PSG3: variants seen among roughly 807,000 people sequenced by gnomAD.
The protein encoded by PSG3 is pregnancy-specific beta-1-glycoprotein 3.
Under a neutral mutation model 47.5 loss-of-function variants are expected in PSG3, and 61 were observed. That is an observed-to-expected ratio of 1.28 (90% CI 1.05 to 1.59). The LOEUF is 1.59. Among genes scored for constraint, PSG3 ranks in the 40% most tolerant of loss-of-function variants. The pLI, the probability that PSG3 is intolerant of heterozygous loss-of-function variation, is 0.00. For synonymous variants in PSG3, 263 were observed against 198.4 expected, an observed-to-expected ratio of 1.33 and a Z score of -2.74; for missense variants, 756 against 524.0, an observed-to-expected ratio of 1.44 and a Z score of -4.32.
At chr19:42,738,677 T>C in intron 2 of PSG3, 47 bp downstream of exon 2, 1 of 1,612,268 alleles carries the variant, frequency 6.2e-7, no homozygotes, top group Non-Finnish European at 8.5e-7. Context: ...GTGTGTGAAG[T>C]AAAGACCCCA....
At chr19:42,732,707 G>A in intron 3 of PSG3, 77 bp downstream of exon 3, 13 of 1,614,076 alleles carry the variant, frequency 8.1e-6, no homozygotes, top group Non-Finnish European at 1.1e-5. Context: ...GGACCTGAGA[G>A]GGACTGAGAG....
intron 1 of PSG3, 61 bp from the exon 2 acceptor site, chr19:42,739,150 G>A: frequency 6.5e-7 from 1 of 1,536,644 alleles, no homozygotes; most frequent in Non-Finnish European, 8.8e-7. Flanking sequence ...GAAAAGATGT[G>A]GCCCTGGGTC....
rs370342876 is a variant in PSG3 at position 42,727,118 on chromosome 19, A to T, written c.1243+2005T>A. On this transcript the variant is annotated intron_variant, in intron 5 of 6. Transcript: ENST00000327495. Reference sequence around the variant, plus strand: ...ACCTTTACCTAACACCATGTACAAAAAGTAACCCACAATAGATCAAAGATC... The same window carrying T: ...ACCTTTACCTAACACCATGTACAAATAGTAACCCACAATAGATCAAAGATC... Among the ~76,000 whole-genome samples the T allele has an allele frequency of 4.3e-4, 66 of 152,342 alleles. 1 individual carries two copies. In the South Asian group the frequency reaches 0.013, roughly 31 times the overall value.
At position 42,733,210 on chromosome 19, in the gene PSG3, C is replaced by A. The variant is rs1038012386; in HGVS notation, c.431-148G>T. 4.8e-6 allele frequency: 7 copies of A among 1,460,770 alleles called. No homozygotes were observed. In the East Asian group the frequency reaches 1.4e-4, roughly 29 times the overall value. 90.5% of individuals were successfully genotyped at this position (1,460,770 alleles called of 1,614,324 possible). A position where few individuals can be genotyped will look rare whatever the true frequency, so the allele number is the denominator to read the frequency against. On this transcript the variant is annotated intron_variant, in intron 2 of 6. Transcript: ENST00000327495. ...AGGTGTGTGTGTTACAAGACAGATG[C>A]ATGGCAATCTGAGGGCTCAGAGATT...
At chr19:42,739,237 G>C (rs1374480298) in intron 1 of PSG3, 148 bp from the exon 2 acceptor site, 3 of 1,289,902 alleles carry the variant, frequency 2.3e-6, no homozygotes, top group Admixed American at 4.7e-5. Context: ...CACACAAAAG[G>C]GGCATGTGTA....
At chr19:42,722,854 T>G (rs1338582407) in intron 6 of PSG3, among the ~76,000 whole-genome samples, 2 of 152,224 alleles carry the variant, frequency 1.3e-5, no homozygotes, top group Non-Finnish European at 2.9e-5. Context: ...TTCTCCATCC[T>G]TGTTACATGT....
At chr19:42,728,677 C>T (rs1294303764) in intron 5 of PSG3, among the ~76,000 whole-genome samples, 1 of 152,228 alleles carries the variant, frequency 6.6e-6, no homozygotes, top group Non-Finnish European at 1.5e-5. Context: ...GCTCCTCCCT[C>T]ACCCAAGGGG....
chr19:42,722,493 A>G (rs1411339815), intron 6 of PSG3, among the ~76,000 whole-genome samples: 1 of 152,110 alleles, frequency 6.6e-6, no homozygotes, highest in Non-Finnish European at 1.5e-5. Flanking sequence ...TGACCTTGTG[A>G]TCCGCCCACC....
chr19:42,729,063 C>T (rs1969420332), intron 5 of PSG3, 60 bp downstream of exon 5: 1 of 1,612,264 alleles, frequency 6.2e-7, no homozygotes, highest in Non-Finnish European at 8.5e-7. Flanking sequence ...TGACTCTTCT[C>T]TGAAAGCCAG....
intron 4 of PSG3, 35 bp from the exon 5 acceptor site, chr19:42,729,412 A>G (rs747190888): frequency 1.8e-5 from 28 of 1,588,282 alleles, no homozygotes; most frequent in African/African-American, 1.7e-4. Context: ...AGGTGATGTC[A>G]TCCGAGGGAA....
chr19:42,727,129 A>G (rs1969390405), intron 5 of PSG3, among the ~76,000 whole-genome samples: 1 of 152,234 alleles, frequency 6.6e-6, no homozygotes, highest in African/African-American at 2.4e-5. Context: ...AGTAACCCAC[A>G]ATAGATCAAA....
rs187697889 is a variant in PSG3, at chr19:42,732,878, A to C, written c.615T>G (p.Phe205Leu). Residue 205 changes from phenylalanine (F) to leucine (L), a missense_variant, in exon 3 of 7, where the codon TTT (phenylalanine) becomes TTG (leucine). Physicochemically the swap from Phe to Leu is conservative, Grantham distance 22. Coordinates refer to ENST00000327495, the MANE Select transcript of PSG3 (RefSeq NM_021016.4). ...LSKNKRTLFLFGVTKYTAGPY... is the reference protein window; with the variant it reads ...LSKNKRTLFLLGVTKYTAGPY... ...GTCCTGCAGTGTACTTTGTGACACC[A>C]AATAGAAAGAGGGTCCTTTTGTTTT... 247 of 1,614,098 alleles carry C rather than the reference A, an allele frequency of 1.5e-4. 1 individual carries two copies. The highest frequency in any genetic ancestry group is 6.2e-4 in the East Asian group (28 of 44,882).
chr19:42,739,384 C>T (rs1253951712), intron 1 of PSG3: 2 of 399,232 alleles, frequency 5.0e-6, no homozygotes, highest in Admixed American at 4.0e-5. Context: ...CCACACTGCC[C>T]TCAGGTCCTG....
chr19:42,737,277 C>A (rs1375498985), intron 2 of PSG3, among the ~76,000 whole-genome samples: 3 of 152,082 alleles, frequency 2.0e-5, no homozygotes, highest in Non-Finnish European at 2.9e-5. Flanking sequence ...GTGGCTAGAA[C>A]CTCCTAGGAT....
chr19:42,739,308 C>T (rs1299573402), intron 1 of PSG3: 3 of 830,080 alleles, frequency 3.6e-6, no homozygotes, highest in Admixed American at 6.2e-5. Context: ...CCCATTCCTT[C>T]AACACTTCTG....
chr19:42,739,296 C>A (rs1600392863), intron 1 of PSG3: 6 of 907,554 alleles, frequency 6.6e-6, no homozygotes, highest in African/African-American at 3.4e-5. Flanking sequence ...AGCAACATGA[C>A]CCCCATTCCT....
chr19:42,723,540 T>C (rs1430401332), intron 6 of PSG3, among the ~76,000 whole-genome samples: 11 of 152,172 alleles, frequency 7.2e-5, no homozygotes, highest in Admixed American at 6.5e-4. Flanking sequence ...AGAAAGGTAA[T>C]GAGGCAGTCA....
At chr19:42,738,503 T>C (rs535972026) in intron 2 of PSG3, among the ~76,000 whole-genome samples, 2 of 152,300 alleles carry the variant, frequency 1.3e-5, no homozygotes, top group African/African-American at 4.8e-5. Flanking sequence ...CATCAGACTG[T>C]CCTTCCTCTG....
At chr19:42,724,076 T>C (rs1395891527) in intron 5 of PSG3, 51 bp from the exon 6 acceptor site, 3 of 1,560,330 alleles carry the variant, frequency 1.9e-6, no homozygotes, top group Middle Eastern at 1.7e-4. Flanking sequence ...TTATTTTACA[T>C]GGGGGAGCCT....
Sources: allele counts gnomAD v4.1 joint callset (sites outside exome capture counted in the v4.1 genomes callset), GRCh38; gene constraint gnomAD v4.1.1; transcripts MANE v1.5; gene names NCBI Gene and HGNC (gene_info 2026-07-23, HGNC 2026-07-21).